Variants in GALNT2 observed in about 807,000 individuals in gnomAD.
The protein encoded by GALNT2 is polypeptide N-acetylgalactosaminyltransferase 2.
GALNT2 carries 31 observed loss-of-function variants against 81.4 expected under a neutral mutation model. That is an observed-to-expected ratio of 0.38 (90% CI 0.29 to 0.51). The LOEUF (loss-of-function observed/expected upper bound fraction) is 0.51. Ranked by LOEUF, GALNT2 falls within the 20% of genes least tolerant of loss-of-function variation. The pLI is 0.87. For synonymous variants in GALNT2, 303 were observed against 287.4 expected (o/e 1.05, Z -0.55); for missense variants, 629 against 765.7 (o/e 0.82, Z 2.11).
chr1:230,221,014 C>T (rs372935131), intron 3 of GALNT2, among the ~76,000 whole-genome samples: 9 of 152,284 alleles, frequency 5.9e-5, no homozygotes, highest in African/African-American at 1.4e-4. Flanking sequence ...AAAGTAGATA[C>T]GTGTTTGTTG....
intron 1 of GALNT2, among the ~76,000 whole-genome samples, chr1:230,117,854 T>C (rs904157541): frequency 6.6e-6 from 1 of 152,292 alleles, no homozygotes; most frequent in East Asian, 1.9e-4. Context: ...CCACAGACCT[T>C]CAGTTTGTAA....
rs1025937833 is a variant in GALNT2, at chr1:230,271,383, G to T, written c.1441-3062G>T. ...TCTCACCTCTGACACCAGCCCTGTGGGCTTTTCCCCCCACACCAAGCAATT... is the reference window on the plus strand; with the variant it reads ...TCTCACCTCTGACACCAGCCCTGTGTGCTTTTCCCCCCACACCAAGCAATT... On this transcript the variant is annotated intron_variant, in intron 14 of 15. Transcript: ENST00000366672. The surrounding 1 kb of genome is among the most constrained non-coding windows in gnomAD (Gnocchi z 4.2). 5.3e-5 allele frequency among the ~76,000 whole-genome samples: 8 copies of T among 152,156 alleles called. No individual in the cohort carries two copies. Among genetic ancestry groups the T allele is most frequent in the African/African-American group, 1.9e-4 (8 of 41,422 alleles).
chr1:230,101,512 A>G (rs1325648629), intron 1 of GALNT2, among the ~76,000 whole-genome samples: 1 of 152,218 alleles, frequency 6.6e-6, no homozygotes. Context: ...AAGCCTGCTG[A>G]GTACATTCTC....
At chr1:230,176,548 C>T (rs6685313) in intron 1 of GALNT2, among the ~76,000 whole-genome samples, 10,505 of 152,108 alleles carry the variant, frequency 0.069, 608 homozygotes, top group African/African-American at 0.16. Flanking sequence ...AAAATTAATG[C>T]GTAATTAAAA....
Position 230,279,748 on chromosome 1 carries a change from A to G in GALNT2, c.*290A>G. On this transcript the variant is annotated 3_prime_UTR_variant, in exon 16 of 16. Transcript: ENST00000366672. The surrounding 1 kb of genome is among the most constrained non-coding windows in gnomAD (Gnocchi z 4.6). ...TTCACTTCTGCCGGCTCCGCAACTG[A>G]GTGACACCCAGCGACAACCGACTGG... 1 of 519,792 alleles carries G rather than the reference A, an allele frequency of 1.9e-6. No homozygotes were observed. The highest frequency in any genetic ancestry group is 1.7e-5 in the South Asian group (1 of 57,960). 32.2% of individuals were successfully genotyped at this position (519,792 alleles called of 1,614,324 possible).
chr1:230,169,666 G>A (rs144245445), intron 1 of GALNT2, among the ~76,000 whole-genome samples: 10 of 151,532 alleles, frequency 6.6e-5, no homozygotes, highest in African/African-American at 2.4e-4. Flanking sequence ...TGTAGTTCAC[G>A]ACTTCAGCAC....
At chr1:230,126,900 G>C (rs1210076176) in intron 1 of GALNT2, among the ~76,000 whole-genome samples, 3 of 152,192 alleles carry the variant, frequency 2.0e-5, no homozygotes, top group Non-Finnish European at 4.4e-5. Context: ...TTGGAGTGAG[G>C]AGAAAAGGAT....
intron 3 of GALNT2, among the ~76,000 whole-genome samples, chr1:230,213,745 G>A (rs920156759): frequency 3.3e-5 from 5 of 151,974 alleles, no homozygotes; most frequent in African/African-American, 1.2e-4. Flanking sequence ...TTCTCTGTTG[G>A]TTTGCTAAAT....
chr1:230,169,610 T>C lies in GALNT2; in HGVS notation c.127-8608T>C, dbSNP rs1235206599. 2.0e-5 allele frequency among the ~76,000 whole-genome samples: 3 copies of C among 152,200 alleles called. No homozygotes were observed. In the East Asian group the frequency reaches 5.8e-4, roughly 29 times the overall value. On this transcript the variant is annotated intron_variant, in intron 1 of 15. Transcript: ENST00000366672. ...GTGCAGGATGATTCACCAGGCTTTC[T>C]GCCTGTTAGAGAAGTTAAATGGTTG...
chr1:230,254,886 T>C (rs1335461501), intron 10 of GALNT2, among the ~76,000 whole-genome samples: 1 of 152,244 alleles, frequency 6.6e-6, no homozygotes, highest in African/African-American at 2.4e-5. Context: ...TACATGATCT[T>C]ATGCCAAGAG....
intron 1 of GALNT2, among the ~76,000 whole-genome samples, chr1:230,058,560 C>T (rs1658973193): frequency 6.6e-6 from 1 of 152,172 alleles, no homozygotes; most frequent in African/African-American, 2.4e-5. Flanking sequence ...CTTAACAGCA[C>T]CCTGCTATAA....
In GALNT2 at chr1:230,243,744, G is replaced by A. The variant is rs915609926; in HGVS notation, c.729+317G>A. 1.4e-4 allele frequency among the ~76,000 whole-genome samples: 21 copies of A among 152,198 alleles called. 1 individual carries two copies. The highest frequency in any genetic ancestry group is 1.3e-3 in the Admixed American group (20 of 15,286). On this transcript the variant is annotated intron_variant, in intron 7 of 15. Coordinates refer to ENST00000366672, the MANE Select transcript of GALNT2 (RefSeq NM_004481.5). The surrounding 1 kb of genome is among the most constrained non-coding windows in gnomAD (Gnocchi z 4.2). ...TTTCATGGGAGCAGTTTCCTTCCCC[G>A]CCTACAGCTTCGCAGAGTGCTTAGA...
chr1:230,164,732 A>C (rs998065829), intron 1 of GALNT2, among the ~76,000 whole-genome samples: 3 of 151,978 alleles, frequency 2.0e-5, no homozygotes, highest in African/African-American at 7.3e-5. Flanking sequence ...AGGTTTCACC[A>C]TGCTAGCCAG....
rs192336960 is a variant in GALNT2 at position 230,112,522 on chromosome 1, G to A, written c.126+45116G>A. ...GCTGGTCTGAATGGGCAGGATTGGG[G>A]TGAGGGCAGTGGAGGAGGGATCTGG... On this transcript the variant is annotated intron_variant, in intron 1 of 15. Coordinates refer to ENST00000366672, the MANE Select transcript of GALNT2 (RefSeq NM_004481.5). Among the ~76,000 whole-genome samples the A allele has an allele frequency of 7.0e-3, 1,062 of 152,282 alleles. 17 individuals are homozygous for A. Among genetic ancestry groups the A allele is most frequent in the African/African-American group, 0.024 (998 of 41,542 alleles).
intron 10 of GALNT2, among the ~76,000 whole-genome samples, chr1:230,251,901 G>A (rs1410291411): frequency 6.6e-6 from 1 of 152,112 alleles, no homozygotes; most frequent in Non-Finnish European, 1.5e-5. Context: ...GAGACTGGGG[G>A]GTAGATTTGT....
chr1:230,123,069 C>T (rs1417140941), intron 1 of GALNT2, among the ~76,000 whole-genome samples: 1 of 152,222 alleles, frequency 6.6e-6, no homozygotes, highest in Non-Finnish European at 1.5e-5. Flanking sequence ...TGGCGAGTTT[C>T]AAGCATGCTG....
At chr1:230,189,794 G>A (rs1161433273) in intron 2 of GALNT2, among the ~76,000 whole-genome samples, 1 of 152,198 alleles carries the variant, frequency 6.6e-6, no homozygotes, top group Non-Finnish European at 1.5e-5. Flanking sequence ...CTGTACCCAT[G>A]TAGTACCAAT....
chr1:230,236,696 T>A lies in GALNT2; in HGVS notation c.578T>A (p.Val193Glu). The A allele has an allele frequency of 6.2e-7, 1 of 1,613,758 alleles. No individual in the cohort carries two copies. Among genetic ancestry groups the A allele is most frequent in the Non-Finnish European group, 8.5e-7 (1 of 1,179,948 alleles). Residue 193 changes from valine (V) to glutamate (E), a missense_variant, in exon 6 of 16, where the codon GTG (valine) becomes GAG (glutamate). Val to Glu is a moderately radical substitution (Grantham distance 121). Coordinates refer to ENST00000366672, the MANE Select transcript of GALNT2 (RefSeq NM_004481.5). The part of the protein sequence containing the change: ...DGALLGKIEK[V>E]RVLRNDRREG... ...GCTCTCTTGGGGAAAATTGAGAAAG[T>A]GCGAGTTCTTAGAAATGATCGACGA...
chr1:230,185,301 T>TGTGCGCGCAC (rs58770415), intron 2 of GALNT2, among the ~76,000 whole-genome samples: 1 of 126,012 alleles, frequency 7.9e-6, no homozygotes, highest in Admixed American at 7.6e-5. Flanking sequence ...TGTGTGTGTG[T>TGTGCGCGCAC]GCGCGCGTGT....
Sources: allele counts gnomAD v4.1 joint callset (sites outside exome capture counted in the v4.1 genomes callset), GRCh38; gene constraint gnomAD v4.1.1; non-coding constraint Gnocchi (gnomAD v3.1); transcripts MANE v1.5; gene names NCBI Gene and HGNC (gene_info 2026-07-23, HGNC 2026-07-21).